The following RTF2 variants were observed in gnomAD, a reference collection of about 807,000 sequenced individuals.
RTF2 encodes replication termination factor 2.
In RTF2, 18 loss-of-function variants were observed where a neutral mutation model predicts 38.0. That is an observed-to-expected ratio of 0.47 (90% CI 0.33 to 0.70). RTF2 has a LOEUF of 0.70. Ranked by LOEUF, RTF2 falls within the 30% of genes least tolerant of loss-of-function variation. The probability of loss-of-function intolerance (pLI) is 0.02; values close to 1 mark genes in which losing one functional copy is unlikely to be tolerated. For synonymous variants in RTF2, 126 were observed against 137.1 expected (o/e 0.92, Z 0.57); for missense variants, 311 against 379.6 (o/e 0.82, Z 1.50).
chr20:56,491,374 A>G, intron 5 of RTF2: 5 of 587,252 alleles, frequency 8.5e-6, no homozygotes, highest in Admixed American at 3.1e-5. Flanking sequence ...TTGTCTTGTG[A>G]TTTCTTTCCC....
At chr20:56,508,436 A>T (rs1363060329) in intron 5 of RTF2, among the ~76,000 whole-genome samples, 2 of 152,118 alleles carry the variant, frequency 1.3e-5, no homozygotes, top group Non-Finnish European at 2.9e-5. Context: ...GAATTTTGTT[A>T]TTATTTGGTT....
chr20:56,492,461 T>C (rs539671073), intron 5 of RTF2, among the ~76,000 whole-genome samples: 97 of 149,134 alleles, frequency 6.5e-4, no homozygotes, highest in African/African-American at 2.2e-3. Flanking sequence ...GGCTCACACC[T>C]GTAATCCCAG....
rs770041594 is a variant in RTF2, at chr20:56,498,757, GT to G, written c.478-14553del. 5.6e-3 allele frequency among the ~76,000 whole-genome samples: 855 copies of G among 152,252 alleles called. 4 individuals are homozygous for G. Among genetic ancestry groups the G allele is most frequent in the Non-Finnish European group, 8.4e-3 (569 of 68,004 alleles). On this transcript the variant is annotated intron_variant, in intron 5 of 8. Coordinates refer to ENST00000357348, the MANE Select transcript of RTF2 (RefSeq NM_016407.5). ...AGCTTTATATTGTTAGAAAGTATTT[GT>G]TTTTCTTGTTTATGAATCTTGACTT... is the stretch of plus-strand genomic sequence containing the variant.
chr20:56,474,492 A>G (rs1197626880), intron 2 of RTF2, among the ~76,000 whole-genome samples, 186 bp from the exon 3 acceptor site: 1 of 152,242 alleles, frequency 6.6e-6, no homozygotes, highest in African/African-American at 2.4e-5. Flanking sequence ...AAATAAATAA[A>G]TAAATAATTT....
intron 5 of RTF2, among the ~76,000 whole-genome samples, chr20:56,512,113 C>A (rs1984714848): frequency 6.6e-6 from 1 of 152,120 alleles, no homozygotes; most frequent in African/African-American, 2.4e-5. Flanking sequence ...TCCCAAAGTG[C>A]TGGGATCATA....
intron 4 of RTF2, among the ~76,000 whole-genome samples, chr20:56,483,060 A>G (rs1225436339): frequency 2.6e-5 from 4 of 152,112 alleles, no homozygotes; most frequent in South Asian, 4.1e-4. Flanking sequence ...CTTCTTTTTA[A>G]TAGCCGTTTG....
intron 5 of RTF2, among the ~76,000 whole-genome samples, chr20:56,501,088 G>C (rs1257345083): frequency 6.6e-6 from 1 of 152,146 alleles, no homozygotes; most frequent in Non-Finnish European, 1.5e-5. Flanking sequence ...AAGGCAGTCA[G>C]GCCCTCTATT....
At chr20:56,483,183 T>C (rs971735522) in intron 4 of RTF2, among the ~76,000 whole-genome samples, 1 of 152,178 alleles carries the variant, frequency 6.6e-6, no homozygotes, top group Middle Eastern at 3.2e-3. Context: ...ATTTGTACAT[T>C]TGCACACTTG....
intron 5 of RTF2, among the ~76,000 whole-genome samples, chr20:56,496,115 T>C (rs1983509412): frequency 6.6e-6 from 1 of 152,214 alleles, no homozygotes; most frequent in African/African-American, 2.4e-5. Context: ...CCAGACTGGT[T>C]TGGGAACATC....
chr20:56,485,071 A>G (rs1274488949), intron 5 of RTF2, among the ~76,000 whole-genome samples: 2 of 152,138 alleles, frequency 1.3e-5, no homozygotes, highest in African/African-American at 4.8e-5. Flanking sequence ...TGCATCCCAC[A>G]TTCTGATTGG....
At chr20:56,471,839 A>T (rs1238839366) in intron 1 of RTF2, among the ~76,000 whole-genome samples, 1 of 152,194 alleles carries the variant, frequency 6.6e-6, no homozygotes, top group Non-Finnish European at 1.5e-5. Flanking sequence ...ATACTAACTC[A>T]TAGAGTTTTT....
At chr20:56,504,825 G>A (rs922832771) in intron 5 of RTF2, among the ~76,000 whole-genome samples, 2 of 152,222 alleles carry the variant, frequency 1.3e-5, no homozygotes, top group Admixed American at 6.5e-5. Flanking sequence ...GTGCCTTGAC[G>A]CCTAAGCGGG....
intron 5 of RTF2, among the ~76,000 whole-genome samples, chr20:56,490,473 A>G (rs1983050523): frequency 6.6e-6 from 1 of 152,224 alleles, no homozygotes; most frequent in African/African-American, 2.4e-5. Flanking sequence ...TTCATGTCTC[A>G]GATCTGTGCT....
At chr20:56,498,302 G>A (rs1983692618) in intron 5 of RTF2, among the ~76,000 whole-genome samples, 1 of 152,166 alleles carries the variant, frequency 6.6e-6, no homozygotes, top group Non-Finnish European at 1.5e-5. Context: ...CAGGCATAGT[G>A]GCTCATGCCT....
At chr20:56,473,534 G>A in intron 2 of RTF2, 139 bp downstream of exon 2, 1 of 618,494 alleles carries the variant, frequency 1.6e-6, no homozygotes, top group South Asian at 1.8e-5. Flanking sequence ...CCCTGTCTCT[G>A]AACATAGTTC....
chr20:56,488,615 T>C (rs1286366090), intron 5 of RTF2, among the ~76,000 whole-genome samples: 2 of 152,256 alleles, frequency 1.3e-5, no homozygotes, highest in African/African-American at 4.8e-5. Context: ...GATTCTGGTT[T>C]TCAGGCTTTG....
At chr20:56,480,017 A>T in intron 4 of RTF2, among the ~76,000 whole-genome samples, 1 of 152,176 alleles carries the variant, frequency 6.6e-6, no homozygotes, top group East Asian at 1.9e-4. Flanking sequence ...GAAAGTCACC[A>T]GGCACGTTAG....
chr20:56,516,241 T>C (rs1439613999), intron 6 of RTF2: 1 of 152,244 alleles, frequency 6.6e-6, no homozygotes, highest in Non-Finnish European at 1.5e-5. Context: ...GAAATTGACA[T>C]TTTAAAGTAA....
chr20:56,508,233 C>T (rs2146366639), intron 5 of RTF2, among the ~76,000 whole-genome samples: 1 of 152,254 alleles, frequency 6.6e-6, no homozygotes, highest in Non-Finnish European at 1.5e-5. Context: ...GGAGAGTCAG[C>T]AAATGCTTGT....
Sources: gnomAD v4.1 joint callset for allele counts (sites outside exome capture counted in the v4.1 genomes callset) on GRCh38, gnomAD v4.1.1 for gene constraint, MANE v1.5 for transcripts, NCBI Gene and HGNC (gene_info 2026-07-23, HGNC 2026-07-21) for gene names.